Variants in PDE10A observed in about 807,000 individuals in gnomAD.
The protein encoded by PDE10A is phosphodiesterase 10A, also known as cAMP and cAMP-inhibited cGMP 3',5'-cyclic phosphodiesterase 10A.
A neutral mutation model predicts 97.7 loss-of-function variants in PDE10A; 39 were observed. The observed-to-expected ratio is 0.40, with a 90% CI of 0.31 to 0.52. The LOEUF is 0.52. PDE10A is among the 20% of genes least tolerant of loss of function. PDE10A has a pLI of 0.56. For missense variants in PDE10A, 731 were observed against 1,047.8 expected (o/e 0.70, Z 4.17); for synonymous variants, 371 against 376.8 (o/e 0.98, Z 0.18).
At chr6:165,472,295 A>G (rs1779060563) in intron 3 of PDE10A, among the ~76,000 whole-genome samples, 1 of 152,046 alleles carries the variant, frequency 6.6e-6, no homozygotes, top group Admixed American at 6.6e-5. Context: ...TCTCTCTTTA[A>G]TTATTAATAA....
At chr6:165,455,582 T>C (rs368134979) in intron 3 of PDE10A, among the ~76,000 whole-genome samples, 14 of 152,216 alleles carry the variant, frequency 9.2e-5, no homozygotes, top group African/African-American at 3.4e-4. Flanking sequence ...TACTAACTGC[T>C]ACTATTAGGC....
At chr6:165,953,072 T>C (rs984057315) in intron 1 of PDE10A, among the ~76,000 whole-genome samples, 4 of 152,188 alleles carry the variant, frequency 2.6e-5, no homozygotes, top group Non-Finnish European at 4.4e-5. Flanking sequence ...TTTTTGTGTC[T>C]ATTGAAGCTA....
intron 3 of PDE10A, among the ~76,000 whole-genome samples, chr6:165,467,581 G>C (rs1562494697): frequency 6.6e-6 from 1 of 152,172 alleles, no homozygotes; most frequent in African/African-American, 2.4e-5. Flanking sequence ...ATCTGTTTTT[G>C]GCATAGTTTG....
chr6:165,444,989 ATTTTTG>A (rs1052741562), intron 5 of PDE10A, among the ~76,000 whole-genome samples: 3 of 151,874 alleles, frequency 2.0e-5, no homozygotes, highest in African/African-American at 4.8e-5. Flanking sequence ...ATAGTATATA[ATTTTTG>A]TTGTGAAATT....
At chr6:165,398,272 G>A (rs1786337033) in intron 13 of PDE10A, among the ~76,000 whole-genome samples, 1 of 152,092 alleles carries the variant, frequency 6.6e-6, no homozygotes, top group South Asian at 2.1e-4. Flanking sequence ...GCAGAGGCAG[G>A]CAGCAAGACT....
chr6:165,374,676 T>C (rs1011604786), intron 18 of PDE10A, among the ~76,000 whole-genome samples: 4 of 152,084 alleles, frequency 2.6e-5, no homozygotes, highest in East Asian at 1.9e-4. Context: ...TATGTATAAA[T>C]TGACGGCAAT....
rs1231416885 is a variant in PDE10A at position 165,329,485 on chromosome 6, T to C, written c.*3540A>G. ...CACAGGCCAAGGCAGGTGAATAATT[T>C]AGTCCTATTAAAGCTCAAACCTTAA... On this transcript the variant is annotated 3_prime_UTR_variant, in exon 22 of 22. Transcript: ENST00000539869. 1 of 152,244 alleles carries C rather than the reference T, an allele frequency of 6.6e-6. No homozygotes were observed. Among genetic ancestry groups the C allele is most frequent in the African/African-American group, 2.4e-5 (1 of 41,470 alleles). The allele number at this position is 152,244 out of a possible 1,614,324, so 9.4% of individuals were successfully genotyped here.
chr6:165,598,483 G>A (rs944287343), intron 1 of PDE10A, among the ~76,000 whole-genome samples: 2 of 152,138 alleles, frequency 1.3e-5, no homozygotes, highest in African/African-American at 2.4e-5. Flanking sequence ...CATGAAAATG[G>A]GAGTTCATAC....
In PDE10A at chr6:165,399,707, A is replaced by G. The variant is rs562813565; in HGVS notation, c.2077-3248T>C. Among the ~76,000 whole-genome samples the G allele has an allele frequency of 2.6e-5, 4 of 152,102 alleles. No individual in the cohort carries two copies. The East Asian group carries it at 7.7e-4, about 29-fold the overall frequency. On this transcript the variant is annotated intron_variant, in intron 13 of 21. Transcript: ENST00000539869. ...TTTCTGTCCTTGCGATAGTTTGCGG[A>G]GAATGATGGTTTCCAGCTTCATCCA... is the stretch of plus-strand genomic sequence containing the variant.
At chr6:165,864,861 A>G (rs768679877) in intron 1 of PDE10A, among the ~76,000 whole-genome samples, 5 of 152,236 alleles carry the variant, frequency 3.3e-5, no homozygotes, top group African/African-American at 9.6e-5. Context: ...CTGTTTTCCC[A>G]AAAACAAAAA....
intron 15 of PDE10A, among the ~76,000 whole-genome samples, chr6:165,393,680 T>C (rs1021809175): frequency 1.4e-4 from 22 of 152,176 alleles, no homozygotes; most frequent in African/African-American, 5.3e-4. Flanking sequence ...GCTCATCCTT[T>C]TGAAACACTA....
In PDE10A at chr6:165,816,397, G is replaced by A. The variant is rs1488751767; in HGVS notation, c.-615+171132C>T. On this transcript the variant is annotated intron_variant, in intron 1 of 19. Coordinates refer to the PDE10A transcript ENST00000366882. The stretch of plus-strand genomic sequence containing the variant: ...TCCCGTAAGGGATTCTATTTAAAGG[G>A]ACTGATGCAGTCTCTGGGCTTATGA... Among the ~76,000 whole-genome samples the A allele has an allele frequency of 3.3e-5, 5 of 152,196 alleles. No individual in the cohort carries two copies. In the East Asian group the frequency reaches 9.6e-4, roughly 29 times the overall value.
At chr6:165,335,357 T>C (rs957876756) in intron 21 of PDE10A, among the ~76,000 whole-genome samples, 4 of 152,146 alleles carry the variant, frequency 2.6e-5, no homozygotes, top group Middle Eastern at 3.2e-3. Flanking sequence ...GCATCCTCAA[T>C]AGACACCATT....
chr6:165,457,668 T>C (rs567427692), intron 3 of PDE10A, among the ~76,000 whole-genome samples: 2 of 152,282 alleles, frequency 1.3e-5, no homozygotes, highest in African/African-American at 2.4e-5. Flanking sequence ...ACATTTGCTG[T>C]GGTGCCTCAG....
At chr6:165,717,149 A>G (rs1792044511) in intron 1 of PDE10A, among the ~76,000 whole-genome samples, 1 of 152,192 alleles carries the variant, frequency 6.6e-6, no homozygotes, top group Non-Finnish European at 1.5e-5. Context: ...AGATTCATCC[A>G]TGTTGTAGCC....
chr6:165,408,464 G>T lies in PDE10A; in HGVS notation c.2076+5037C>A, dbSNP rs143483870. On this transcript the variant is annotated intron_variant, in intron 13 of 21. Coordinates refer to ENST00000539869, the MANE Select transcript of PDE10A (RefSeq NM_001385079.1). ...ACCGCAAGCATCTCGGTGCCACAGT[G>T]ATGACCAGAATTTGGGTCTTGGTCA... Among the ~76,000 whole-genome samples, 157 of 152,216 alleles carry T rather than the reference G, an allele frequency of 1.0e-3. 1 individual carries two copies. The highest frequency in any genetic ancestry group is 3.4e-3 in the Admixed American group (52 of 15,298).
At chr6:165,744,835 T>G (rs1004982968) in intron 1 of PDE10A, among the ~76,000 whole-genome samples, 4 of 142,736 alleles carry the variant, frequency 2.8e-5, no homozygotes, top group Non-Finnish European at 5.9e-5. Context: ...AAATATGGGA[T>G]TATGAACCAG....
chr6:165,938,765 C>T (rs1783420787), intron 1 of PDE10A, among the ~76,000 whole-genome samples: 1 of 152,152 alleles, frequency 6.6e-6, no homozygotes, highest in African/African-American at 2.4e-5. Context: ...AAACAACACA[C>T]ACACACACAC....
intron 1 of PDE10A, among the ~76,000 whole-genome samples, chr6:165,607,638 A>G (rs1276401870): frequency 2.6e-5 from 4 of 152,194 alleles, no homozygotes; most frequent in Non-Finnish European, 4.4e-5. Context: ...GTATTTAAAT[A>G]CCAAGACTAC....
Sources: gnomAD v4.1 joint callset for allele counts (sites outside exome capture counted in the v4.1 genomes callset) on GRCh38, gnomAD v4.1.1 for gene constraint, MANE v1.5 for transcripts, NCBI Gene and HGNC (gene_info 2026-07-23, HGNC 2026-07-21) for gene names.